ADAMTS17: variants seen among roughly 807,000 people sequenced by gnomAD.
ADAMTS17 encodes the protein ADAM metallopeptidase with thrombospondin type 1 motif 17.
ADAMTS17 carries 113 observed loss-of-function variants against 141.5 expected under a neutral mutation model. That is an observed-to-expected ratio of 0.80 (90% CI 0.69 to 0.93). ADAMTS17 has a LOEUF of 0.93. Ranked by LOEUF, ADAMTS17 falls within the 40% of genes least tolerant of loss-of-function variation. The pLI is 0.00. For missense variants in ADAMTS17, 1,659 were observed against 1,517.9 expected, an observed-to-expected ratio of 1.09 and a Z score of -1.54; for synonymous variants, 768 against 630.6, an observed-to-expected ratio of 1.22 and a Z score of -3.27.
Position 100,044,931 on chromosome 15 carries a change from C to G in ADAMTS17, c.2591+3926G>C, listed in dbSNP as rs932600306. The stretch of plus-strand genomic sequence containing the variant: ...CAAGCAATTCTTCTGCCTCAGCCTC[C>G]TGAGTAGTTGGGACTACAGGTGCAC... On this transcript the variant is annotated intron_variant, in intron 18 of 21. Transcript: ENST00000268070. Among the ~76,000 whole-genome samples the G allele has an allele frequency of 5.9e-5, 9 of 151,986 alleles. 1 individual carries two copies.
At chr15:100,311,133 G>A (rs541247766) in intron 3 of ADAMTS17, among the ~76,000 whole-genome samples, 56 of 152,294 alleles carry the variant, frequency 3.7e-4, no homozygotes, top group Admixed American at 1.4e-3. Flanking sequence ...CCCTTGCCTC[G>A]GGTGGACTTT....
At chr15:100,139,088 G>GA (rs1374115806) in intron 10 of ADAMTS17, among the ~76,000 whole-genome samples, 1 of 151,980 alleles carries the variant, frequency 6.6e-6, no homozygotes, top group Non-Finnish European at 1.5e-5. Context: ...TAAAAAGGGC[G>GA]AAACAGAAAA....
At position 100,185,372 on chromosome 15, in the gene ADAMTS17, C is replaced by A. The variant is rs193234717; in HGVS notation, c.1181+13946G>T. Among the ~76,000 whole-genome samples the A allele has an allele frequency of 2.2e-3, 333 of 148,576 alleles. 3 individuals carry two copies. The highest frequency in any genetic ancestry group is 7.7e-3 in the African/African-American group (293 of 38,064). Reference sequence around the variant, plus strand: ...ATGTGTTTTAAGTTTTGTCTTACTACACCTGTGAACCCACAGTGTGCACTG... The same window carrying A: ...ATGTGTTTTAAGTTTTGTCTTACTAAACCTGTGAACCCACAGTGTGCACTG... On this transcript the variant is annotated intron_variant, in intron 8 of 21. Coordinates refer to ENST00000268070, the MANE Select transcript of ADAMTS17 (RefSeq NM_139057.4).
At chr15:100,173,775 C>T (rs969335913) in intron 8 of ADAMTS17, among the ~76,000 whole-genome samples, 5 of 152,168 alleles carry the variant, frequency 3.3e-5, no homozygotes, top group South Asian at 2.1e-4. Flanking sequence ...CCAATATCTG[C>T]GGCCCACCTC....
At chr15:100,003,449 T>C (rs1394463004) in intron 18 of ADAMTS17, among the ~76,000 whole-genome samples, 1 of 152,052 alleles carries the variant, frequency 6.6e-6, no homozygotes, top group East Asian at 1.9e-4. Context: ...GTCAGCAGGG[T>C]TGGCCGCGAG....
intron 3 of ADAMTS17, among the ~76,000 whole-genome samples, chr15:100,323,947 C>T (rs750751831): frequency 1.3e-5 from 2 of 150,594 alleles, no homozygotes; most frequent in Non-Finnish European, 2.9e-5. Flanking sequence ...TGGTTGCTTC[C>T]GGGGAATAAG....
chr15:100,184,467 T>C (rs532637367), intron 8 of ADAMTS17, among the ~76,000 whole-genome samples: 1 of 152,344 alleles, frequency 6.6e-6, no homozygotes, highest in East Asian at 1.9e-4. Flanking sequence ...CTCTAGGATA[T>C]CTGGTTACAT....
intron 7 of ADAMTS17, among the ~76,000 whole-genome samples, chr15:100,205,087 G>T (rs1450180436): frequency 6.6e-6 from 1 of 152,124 alleles, no homozygotes. Flanking sequence ...GCTCCCTAGG[G>T]TTAATGAGAC....
At chr15:100,080,258 T>C (rs535413012) in intron 15 of ADAMTS17, among the ~76,000 whole-genome samples, 7 of 152,268 alleles carry the variant, frequency 4.6e-5, no homozygotes, top group African/African-American at 7.2e-5. Context: ...AACTGGAAGA[T>C]TGGTACCCAC....
At chr15:100,340,574 A>G (rs1239275821) in intron 2 of ADAMTS17, among the ~76,000 whole-genome samples, 1 of 152,188 alleles carries the variant, frequency 6.6e-6, no homozygotes, top group Non-Finnish European at 1.5e-5. Context: ...AGAAGACTCA[A>G]AAGGAAGGGA....
intron 8 of ADAMTS17, among the ~76,000 whole-genome samples, chr15:100,190,761 G>A (rs2040886247): frequency 6.6e-6 from 1 of 152,226 alleles, no homozygotes; most frequent in Non-Finnish European, 1.5e-5. Context: ...TCACACCCCT[G>A]CCACCTGAGC....
At chr15:100,152,496 G>C (rs1596571344) in intron 10 of ADAMTS17, 116 bp downstream of exon 10, 1 of 1,357,336 alleles carries the variant, frequency 7.4e-7, no homozygotes, top group South Asian at 1.2e-5. Flanking sequence ...CTGTGCTTGT[G>C]TGTGTATGTG....
At chr15:99,999,203 A>G (rs571206778) in intron 18 of ADAMTS17, among the ~76,000 whole-genome samples, 4 of 152,270 alleles carry the variant, frequency 2.6e-5, no homozygotes, top group Admixed American at 6.5e-5. Flanking sequence ...TGCCCTCTGA[A>G]GCTTACATTC....
At chr15:100,274,997 T>C (rs1032031582) in intron 4 of ADAMTS17, among the ~76,000 whole-genome samples, 3 of 152,192 alleles carry the variant, frequency 2.0e-5, no homozygotes, top group African/African-American at 7.2e-5. Flanking sequence ...AATGGTTTTT[T>C]GAAAGCAAAT....
chr15:100,095,074 G>C (rs2035679034), intron 15 of ADAMTS17, among the ~76,000 whole-genome samples: 1 of 152,180 alleles, frequency 6.6e-6, no homozygotes, highest in Non-Finnish European at 1.5e-5. Context: ...ATTACAGTTT[G>C]GATCGTCTCC....
At chr15:100,257,499 G>A (rs1047372035) in intron 6 of ADAMTS17, among the ~76,000 whole-genome samples, 3 of 152,234 alleles carry the variant, frequency 2.0e-5, no homozygotes, top group African/African-American at 7.2e-5. Context: ...TAGCTTCAAG[G>A]CGTCAGCCCA....
chr15:100,283,516 G>A (rs2044350630), intron 3 of ADAMTS17, among the ~76,000 whole-genome samples: 2 of 152,226 alleles, frequency 1.3e-5, no homozygotes, highest in South Asian at 2.1e-4. Flanking sequence ...TCTCCCAGGC[G>A]ATCAGGTATG....
At chr15:100,270,387 G>A (rs1267337550) in intron 4 of ADAMTS17, among the ~76,000 whole-genome samples, 2 of 152,198 alleles carry the variant, frequency 1.3e-5, no homozygotes, top group Non-Finnish European at 2.9e-5. Flanking sequence ...TGTGTAGGAA[G>A]TATAAGTGTA....
At chr15:100,039,245 T>A (rs1600678) in intron 18 of ADAMTS17, among the ~76,000 whole-genome samples, 100,393 of 152,090 alleles carry the variant, frequency 0.66, 34,472 homozygotes, top group Non-Finnish European at 0.77. Context: ...TTATTTCATT[T>A]ATTTCTGCAT....
Sources: allele counts gnomAD v4.1 joint callset (sites outside exome capture counted in the v4.1 genomes callset), GRCh38; gene constraint gnomAD v4.1.1; transcripts MANE v1.5; gene names NCBI Gene and HGNC (gene_info 2026-07-23, HGNC 2026-07-21).